The following TBCK variants were observed in gnomAD, a reference collection of about 807,000 sequenced individuals.
TBCK encodes the protein TBC1 domain containing kinase.
TBCK carries 99 observed loss-of-function variants against 113.4 expected under a neutral mutation model. That is an observed-to-expected ratio of 0.87 (90% CI 0.74 to 1.03). The LOEUF is 1.03. Among genes scored for constraint, TBCK ranks in the 50% least tolerant of loss-of-function variants. The pLI is 0.00. For synonymous variants in TBCK, 369 were observed against 370.8 expected, an observed-to-expected ratio of 1.00 and a Z score of 0.05; for missense variants, 1,045 against 1,061.3, an observed-to-expected ratio of 0.98 and a Z score of 0.21.
chr4:106,205,579 T>C (rs1282667284), intron 20 of TBCK, among the ~76,000 whole-genome samples: 1 of 40,566 alleles, frequency 2.5e-5, no homozygotes, highest in Non-Finnish European at 4.1e-5. Context: ...CCCTCTCCAC[T>C]AAAAATACAA....
chr4:106,094,939 T>TA (rs891893160), intron 25 of TBCK, among the ~76,000 whole-genome samples: 16 of 152,208 alleles, frequency 1.1e-4, no homozygotes, highest in African/African-American at 3.9e-4. Flanking sequence ...TGTCTTTTAT[T>TA]AAAAAATAAA....
At chr4:106,081,908 A>G (rs1738914951) in intron 25 of TBCK, among the ~76,000 whole-genome samples, 1 of 152,220 alleles carries the variant, frequency 6.6e-6, no homozygotes. Flanking sequence ...ATGAGATACC[A>G]TCTCACATCA....
At chr4:106,230,518 C>A in intron 18 of TBCK, 72 bp from the exon 19 acceptor site, 1 of 768,686 alleles carries the variant, frequency 1.3e-6, no homozygotes, top group Non-Finnish European at 2.0e-6. Flanking sequence ...AATGCATTCA[C>A]TTAGCACATA....
At chr4:106,092,596 C>T (rs1578869877) in intron 25 of TBCK, among the ~76,000 whole-genome samples, 1 of 152,350 alleles carries the variant, frequency 6.6e-6, no homozygotes, top group East Asian at 1.9e-4. Flanking sequence ...CGCTGGTGGG[C>T]CAGCACTGCT....
At chr4:106,094,570 A>C (rs1291815892) in intron 25 of TBCK, among the ~76,000 whole-genome samples, 2 of 152,200 alleles carry the variant, frequency 1.3e-5, no homozygotes, top group Non-Finnish European at 2.9e-5. Flanking sequence ...AGGAGTGCTC[A>C]AAGGAATATG....
In TBCK at chr4:106,046,436, AAT is replaced by A; in HGVS notation, c.*132_*133del. The A allele has an allele frequency of 1.8e-6, 1 of 557,572 alleles. No individual in the cohort carries two copies. The highest frequency in any genetic ancestry group is 3.2e-6 in the Non-Finnish European group (1 of 311,776). The allele number at this position is 557,572 out of a possible 1,614,324, so 34.5% of individuals were successfully genotyped here. A position where few individuals can be genotyped will look rare whatever the true frequency, so the allele number is the denominator to read the frequency against. ...ACATGTGGGTTATGAGATTTTAAAA[AAT>A]GTCTCGTGACAAACTTTACGGAAAT... On this transcript the variant is annotated 3_prime_UTR_variant, in exon 26 of 26. Transcript: ENST00000394708.
At position 106,235,445 on chromosome 4, in the gene TBCK, C is replaced by A. The variant is rs998340851; in HGVS notation, c.1351-78G>T. The A allele has an allele frequency of 1.2e-5, 11 of 892,660 alleles. No individual in the cohort carries two copies. The East Asian group carries it at 2.9e-4, about 24-fold the overall frequency. The allele number at this position is 892,660 out of a possible 1,614,324, so 55.3% of individuals were successfully genotyped here. A position where few individuals can be genotyped will look rare whatever the true frequency, so the allele number is the denominator to read the frequency against. ...TTAGTCTAGACAGTTCTGAATATAC[C>A]CATGATAAAACTTAAGTGACTTGCA... On this transcript the variant is annotated intron_variant, in intron 14 of 25. Transcript: ENST00000394708.
At chr4:106,182,078 C>T (rs1215390978) in intron 22 of TBCK, among the ~76,000 whole-genome samples, 1 of 151,990 alleles carries the variant, frequency 6.6e-6, no homozygotes. Context: ...TGAAGAGGTC[C>T]TTCACATCCC....
At chr4:106,260,368 A>G (rs1762388821) in intron 5 of TBCK, 69 bp downstream of exon 5, 3 of 627,840 alleles carry the variant, frequency 4.8e-6, no homozygotes, top group African/African-American at 3.8e-5. Context: ...TATAATTAAC[A>G]AAATATACAT....
At chr4:106,168,892 A>T (rs1384618874) in intron 23 of TBCK, among the ~76,000 whole-genome samples, 9 of 152,112 alleles carry the variant, frequency 5.9e-5, no homozygotes, top group Non-Finnish European at 4.4e-5. Flanking sequence ...TAAAGGTTGA[A>T]TATCTCTAGT....
At chr4:106,267,789 T>C (rs1763123357) in intron 3 of TBCK, among the ~76,000 whole-genome samples, 1 of 152,008 alleles carries the variant, frequency 6.6e-6, no homozygotes, top group Non-Finnish European at 1.5e-5. Context: ...TTTTTATCCC[T>C]TTCCAGATAT....
chr4:106,179,632 T>G (rs777860128), intron 22 of TBCK, among the ~76,000 whole-genome samples: 7 of 152,150 alleles, frequency 4.6e-5, no homozygotes, highest in Non-Finnish European at 7.4e-5. Flanking sequence ...TTTTGATTTT[T>G]GAAAATTTAA....
intron 22 of TBCK, among the ~76,000 whole-genome samples, chr4:106,193,287 T>C (rs1264767472): frequency 6.6e-6 from 1 of 152,166 alleles, no homozygotes; most frequent in Non-Finnish European, 1.5e-5. Flanking sequence ...TTCTATACTT[T>C]CCATCACTGA....
intron 25 of TBCK, among the ~76,000 whole-genome samples, chr4:106,055,430 A>T (rs964034074): frequency 6.6e-6 from 1 of 151,688 alleles, no homozygotes; most frequent in Non-Finnish European, 1.5e-5. Context: ...TAAAATTTTT[A>T]AATTATAAGT....
At chr4:106,260,804 T>C (rs577024778) in intron 4 of TBCK, among the ~76,000 whole-genome samples, 1 of 152,138 alleles carries the variant, frequency 6.6e-6, no homozygotes, top group African/African-American at 2.4e-5. Flanking sequence ...GTCTAGTTAT[T>C]TCACAAAACA....
At chr4:106,130,631 A>ACACACACAC (rs1560695149) in intron 23 of TBCK, among the ~76,000 whole-genome samples, 1 of 130,026 alleles carries the variant, frequency 7.7e-6, no homozygotes, top group Non-Finnish European at 1.7e-5. Flanking sequence ...CACACACACC[A>ACACACACAC]CACAGAAACT....
At chr4:106,279,479 G>T (rs1414135811) in intron 3 of TBCK, among the ~76,000 whole-genome samples, 2 of 152,028 alleles carry the variant, frequency 1.3e-5, no homozygotes, top group African/African-American at 4.8e-5. Flanking sequence ...TACTATTTCA[G>T]TAATTTTAAG....
chr4:106,059,684 G>T (rs1735819035), intron 25 of TBCK, among the ~76,000 whole-genome samples: 1 of 151,526 alleles, frequency 6.6e-6, no homozygotes, highest in Admixed American at 6.6e-5. Flanking sequence ...CCTCAAAATG[G>T]CCTTTGGTGT....
chr4:106,194,729 G>A lies in TBCK; in HGVS notation c.1886C>T (p.Thr629Ile), dbSNP rs2149816797. 6.3e-7 allele frequency: 1 copy of A among 1,591,060 alleles called. No individual in the cohort carries two copies. The highest frequency in any genetic ancestry group is 8.5e-7 in the Non-Finnish European group (1 of 1,172,344). Reference sequence around the variant, plus strand: ...GAAGTCATACTTACGAGTAAACATGGTAAGAAACCAAGGGATGGCATAGAG... The same window carrying A: ...GAAGTCATACTTACGAGTAAACATGATAAGAAACCAAGGGATGGCATAGAG... Reference protein sequence around the residue: ...PDLYAIPWFLTMFTHVFPLHK... With the variant: ...PDLYAIPWFLIMFTHVFPLHK... The change falls in exon 21 of 26, where the codon ACC (threonine) becomes ATC (isoleucine). Residue 629 changes from threonine to isoleucine, a missense_variant. Physicochemically the swap from Thr to Ile is moderately conservative, Grantham distance 89 (BLOSUM62 -1). Coordinates refer to ENST00000394708, the MANE Select transcript of TBCK (RefSeq NM_001163435.3).
Sources: allele counts gnomAD v4.1 joint callset (sites outside exome capture counted in the v4.1 genomes callset), GRCh38; gene constraint gnomAD v4.1.1; transcripts MANE v1.5; gene names NCBI Gene and HGNC (gene_info 2026-07-23, HGNC 2026-07-21).